MYH14: variants seen among roughly 807,000 people sequenced by gnomAD.
MYH14 encodes myosin heavy chain 14.
Under a neutral mutation model 255.5 loss-of-function variants are expected in MYH14, and 123 were observed. The ratio of observed to expected loss-of-function variants is 0.48; its 90% confidence interval spans 0.42 to 0.56. The LOEUF (loss-of-function observed/expected upper bound fraction) is 0.56, where lower values mean the gene tolerates loss of function less well. Ranked by LOEUF, MYH14 falls within the 20% of genes least tolerant of loss-of-function variation. The probability of loss-of-function intolerance (pLI) is 0.00; values close to 1 mark genes in which losing one functional copy is unlikely to be tolerated. For synonymous variants in MYH14, 1,095 were observed against 1,161.2 expected, an observed-to-expected ratio of 0.94 and a Z score of 1.16; for missense variants, 2,423 against 2,802.3, an observed-to-expected ratio of 0.86 and a Z score of 3.06.
At chr19:50,291,535 C>T (rs2036077276) in intron 36 of MYH14, among the ~76,000 whole-genome samples, 1 of 152,098 alleles carries the variant, frequency 6.6e-6, no homozygotes, top group African/African-American at 2.4e-5. Context: ...AGTGATCCAC[C>T]CGCCCCCATG....
chr19:50,212,933 T>C (rs1449203480), intron 2 of MYH14, among the ~76,000 whole-genome samples: 1 of 152,070 alleles, frequency 6.6e-6, no homozygotes, highest in East Asian at 1.9e-4. Flanking sequence ...AAAACATGGA[T>C]CCACTAGTTG....
chr19:50,231,861 C>T (rs892776898), intron 9 of MYH14, 69 bp from the exon 10 acceptor site: 71 of 1,589,538 alleles, frequency 4.5e-5, no homozygotes, highest in African/African-American at 1.9e-4. Flanking sequence ...GGATTGCCAC[C>T]GATGAATCCA....
intron 39 of MYH14, among the ~76,000 whole-genome samples, chr19:50,297,149 C>CAT (rs1456985491): frequency 1.3e-5 from 2 of 151,994 alleles, no homozygotes; most frequent in African/African-American, 2.4e-5. Flanking sequence ...CCATGCCTGG[C>CAT]TAATATTTGT....
intron 11 of MYH14, among the ~76,000 whole-genome samples, chr19:50,245,295 T>C (rs1299267810): frequency 2.0e-5 from 3 of 151,588 alleles, no homozygotes; most frequent in African/African-American, 7.3e-5. Flanking sequence ...GATGGGTGCC[T>C]GTAGTCCCAG....
Position 50,307,050 on chromosome 19 carries a change from G to T in MYH14, c.5680G>T (p.Glu1894Ter). The change falls in exon 41 of 43, where the codon GAG becomes TAG. Residue 1894 changes from glutamate (E) to a stop codon, truncating the protein, a stop_gained and splice_region_variant. Transcript: ENST00000642316. LOFTEE classifies it high-confidence loss of function. ...AEEQLEQETR[E>*]RILSGKLVRR... ...ACTCCTCCTCATCCCTCTCTTCAGA[G>T]AGCGCATCCTCTCTGGAAAGCTGGT... 1 of 1,549,916 alleles carries T rather than the reference G, an allele frequency of 6.5e-7. No homozygotes were observed. The highest frequency in any genetic ancestry group is 1.2e-5 in the South Asian group (1 of 84,012).
Position 50,230,862 on chromosome 19 carries a change from C to T in MYH14, c.973+239C>T. 1 of 509,884 alleles carries T rather than the reference C, an allele frequency of 2.0e-6. No homozygotes were observed. The highest frequency in any genetic ancestry group is 3.3e-5 in the East Asian group (1 of 30,732). 31.6% of individuals were successfully genotyped at this position (509,884 alleles called of 1,614,324 possible). ...TCTGGCTCGCGCCCGCTGTCACGGCCACGCAGCCCCCGCCGCCTGGTGGCT... is the reference window on the plus strand; with the variant it reads ...TCTGGCTCGCGCCCGCTGTCACGGCTACGCAGCCCCCGCCGCCTGGTGGCT... On this transcript the variant is annotated intron_variant, in intron 9 of 42. Coordinates refer to ENST00000642316, the MANE Select transcript of MYH14 (RefSeq NM_001145809.2). The surrounding 1 kb of genome is among the most constrained non-coding windows in gnomAD (Gnocchi z 4.7).
chr19:50,217,774 G>A lies in MYH14; in HGVS notation c.562+3G>A. The A allele has an allele frequency of 1.9e-6, 3 of 1,613,158 alleles. No individual in the cohort carries two copies. The highest frequency in any genetic ancestry group is 2.5e-6 in the Non-Finnish European group (3 of 1,179,730). On this transcript the variant is annotated splice_donor_region_variant and intron_variant, in intron 3 of 42. Transcript: ENST00000642316. ...GGCCTATCGGAGCATGCTGCAGGGTGAGTGCTGGGTGGGGCTGTAGGCCAG... is the reference window on the plus strand; with the variant it reads ...GGCCTATCGGAGCATGCTGCAGGGTAAGTGCTGGGTGGGGCTGTAGGCCAG...
At chr19:50,307,953 G>A (rs191712846) in intron 41 of MYH14, among the ~76,000 whole-genome samples, 18 of 152,346 alleles carry the variant, frequency 1.2e-4, no homozygotes, top group East Asian at 1.2e-3. Context: ...GGATGTGAAC[G>A]AAACAGAGGA....
chr19:50,309,008 G>A lies in MYH14; in HGVS notation c.5791G>A (p.Glu1931Lys). The A allele has an allele frequency of 6.2e-7, 1 of 1,611,006 alleles. No individual in the cohort carries two copies. Among genetic ancestry groups the A allele is most frequent in the Non-Finnish European group, 8.5e-7 (1 of 1,178,388 alleles). ...CAGTCCCCCTGCTTCCATCAAGCTG[G>A]AGAAGGGAAACCTTCGAGTCAAGCA... is the stretch of plus-strand genomic sequence containing the variant. The part of the protein sequence containing the change: ...RVADQLRDQL[E>K]KGNLRVKQLK... Residue 1931 changes from glutamate to lysine, a missense_variant, in exon 42 of 43, where the codon GAG becomes AAG. Glu to Lys is a moderately conservative substitution (Grantham distance 56). Transcript: ENST00000642316.
In MYH14 at chr19:50,209,471, G is replaced by A. The variant is rs150207369; in HGVS notation, c.-3-892G>A. 6.1e-3 allele frequency among the ~76,000 whole-genome samples: 922 copies of A among 151,734 alleles called. 5 individuals carry two copies. Among genetic ancestry groups the A allele is most frequent in the African/African-American group, 0.021 (880 of 41,396 alleles). On this transcript the variant is annotated intron_variant, in intron 1 of 42. Transcript: ENST00000642316. The stretch of plus-strand genomic sequence containing the variant: ...AAGACCTGCCTGGACAACATAGTGA[G>A]ACCCTAATTTCTACAAAAATTGAAA...
intron 8 of MYH14, among the ~76,000 whole-genome samples, chr19:50,227,958 C>T (rs529140237): frequency 6.6e-6 from 1 of 152,258 alleles, no homozygotes; most frequent in South Asian, 2.1e-4. Flanking sequence ...ACATAGCAGG[C>T]ACTCAAGAAC....
intron 34 of MYH14, among the ~76,000 whole-genome samples, chr19:50,287,904 A>G (rs654473): frequency 0.08 from 12,111 of 152,094 alleles, 688 homozygotes; most frequent in Non-Finnish European, 0.12. Context: ...ATACACACAC[A>G]CACACACACA....
chr19:50,270,432 G>A (rs577793772), intron 24 of MYH14, among the ~76,000 whole-genome samples: 13 of 150,284 alleles, frequency 8.7e-5, no homozygotes, highest in African/African-American at 2.9e-4. Context: ...AGGCAGGAAA[G>A]TCACTTGAAC....
In MYH14 at chr19:50,276,644, A is replaced by C; in HGVS notation, c.3681-113A>C. The C allele has an allele frequency of 7.2e-7, 1 of 1,388,394 alleles. No individual in the cohort carries two copies. The allele number at this position is 1,388,394 out of a possible 1,614,324, so 86.0% of individuals were successfully genotyped here. On this transcript the variant is annotated intron_variant, in intron 28 of 42. Coordinates refer to ENST00000642316, the MANE Select transcript of MYH14 (RefSeq NM_001145809.2). This position sits in a 1 kb window ranked among gnomAD's most constrained non-coding sequence, Gnocchi z 4.3. ...ACCCAGATCTCCTGAGGAGCATAAC[A>C]TGAGGCCCTCATATTTTAAGGAAAC...
intron 5 of MYH14, 112 bp from the exon 6 acceptor site, chr19:50,224,042 C>CCCCTCCCCCCCCCCCCCTGCCA: frequency 1.4e-6 from 1 of 730,606 alleles, no homozygotes; most frequent in South Asian, 1.7e-5. Context: ...TCCCCAGTCC[C>CCCCTCCCCCCCCCCCCCTGCCA]CCTTCCCCCA....
chr19:50,249,949 G>A, intron 14 of MYH14, 126 bp downstream of exon 14: 1 of 1,196,886 alleles, frequency 8.4e-7, no homozygotes, highest in Non-Finnish European at 1.2e-6. Context: ...TGTGGGGAAG[G>A]TGACAGCACC....
intron 39 of MYH14, among the ~76,000 whole-genome samples, chr19:50,295,336 C>CA (rs2036231716): frequency 6.7e-6 from 1 of 149,926 alleles, no homozygotes; most frequent in Non-Finnish European, 1.5e-5. Context: ...AAACAAAAAA[C>CA]AAAAAAACAA....
intron 39 of MYH14, among the ~76,000 whole-genome samples, chr19:50,300,095 G>A (rs1282248745): frequency 6.6e-6 from 1 of 152,192 alleles, no homozygotes; most frequent in Non-Finnish European, 1.5e-5. Context: ...GAGAAGTCAG[G>A]ATAACATGAT....
At chr19:50,308,412 C>T (rs924332144) in intron 41 of MYH14, 1 of 152,300 alleles carries the variant, frequency 6.6e-6, no homozygotes, top group Non-Finnish European at 1.5e-5. Flanking sequence ...TTGATTCCAA[C>T]CCTCTGCTGA....
Sources: allele counts gnomAD v4.1 joint callset (sites outside exome capture counted in the v4.1 genomes callset), GRCh38; gene constraint gnomAD v4.1.1; non-coding constraint Gnocchi (gnomAD v3.1); transcripts MANE v1.5; gene names NCBI Gene and HGNC (gene_info 2026-07-23, HGNC 2026-07-21).